The following CDH18 variants were observed in gnomAD, a reference collection of about 807,000 sequenced individuals.
CDH18 encodes cadherin 18.
In CDH18, 31 loss-of-function variants were observed where a neutral mutation model predicts 67.9. The ratio of observed to expected loss-of-function variants is 0.46; its 90% CI spans 0.34 to 0.62. CDH18 has a LOEUF of 0.62. Among genes scored for constraint, CDH18 ranks in the 20% least tolerant of loss-of-function variants. CDH18 has a pLI of 0.01. For missense variants in CDH18, 890 were observed against 975.5 expected, an observed-to-expected ratio of 0.91 and a Z score of 1.17; for synonymous variants, 362 against 347.2, an observed-to-expected ratio of 1.04 and a Z score of -0.48.
intron 1 of CDH18, among the ~76,000 whole-genome samples, chr5:20,400,328 A>T (rs1201935894): frequency 1.3e-5 from 2 of 151,956 alleles, no homozygotes; most frequent in African/African-American, 4.8e-5. Flanking sequence ...AAATACAAAA[A>T]TTACCCAGGC....
At chr5:20,461,171 G>A (rs2150223775) in intron 1 of CDH18, among the ~76,000 whole-genome samples, 1 of 152,292 alleles carries the variant, frequency 6.6e-6, no homozygotes, top group East Asian at 1.9e-4. Context: ...GTCCTTAAGT[G>A]CTGAGTATTT....
intron 2 of CDH18, among the ~76,000 whole-genome samples, chr5:20,129,493 T>G (rs182126067): frequency 6.6e-6 from 1 of 152,062 alleles, no homozygotes; most frequent in Non-Finnish European, 1.5e-5. Flanking sequence ...GCACCAGAGA[T>G]GCTGGGTGAG....
intron 2 of CDH18, among the ~76,000 whole-genome samples, chr5:19,861,373 A>G (rs962194363): frequency 2.1e-4 from 32 of 152,102 alleles, no homozygotes; most frequent in African/African-American, 7.2e-4. Context: ...AGGAGCCGGG[A>G]GGAGGCTAGG....
chr5:20,278,462 A>G (rs1210325352), intron 1 of CDH18, among the ~76,000 whole-genome samples: 2 of 152,134 alleles, frequency 1.3e-5, no homozygotes, highest in Non-Finnish European at 2.9e-5. Context: ...GACAAAAAAA[A>G]GCTGAGAAAT....
At chr5:20,100,671 A>G (rs995429072) in intron 2 of CDH18, among the ~76,000 whole-genome samples, 6 of 152,096 alleles carry the variant, frequency 3.9e-5, no homozygotes, top group Non-Finnish European at 7.4e-5. Flanking sequence ...TGTATTACCT[A>G]TACATCTGGC....
At chr5:19,912,564 A>G (rs1430050085) in intron 2 of CDH18, among the ~76,000 whole-genome samples, 1 of 152,172 alleles carries the variant, frequency 6.6e-6, no homozygotes, top group Non-Finnish European at 1.5e-5. Context: ...TATCCCATGA[A>G]TGTTATTCCA....
chr5:19,832,752 C>A (rs970873250), intron 3 of CDH18, among the ~76,000 whole-genome samples: 1 of 152,072 alleles, frequency 6.6e-6, no homozygotes, highest in South Asian at 2.1e-4. Flanking sequence ...ATATGTCTGG[C>A]CAGTTTTCCC....
chr5:20,123,016 G>A (rs1218898580), intron 2 of CDH18, among the ~76,000 whole-genome samples: 1 of 147,460 alleles, frequency 6.8e-6, no homozygotes, highest in Admixed American at 6.8e-5. Context: ...ACCTATATAA[G>A]CTATTATATA....
chr5:20,172,242 A>G (rs4361521), intron 2 of CDH18, among the ~76,000 whole-genome samples: 5,716 of 56,246 alleles, frequency 0.1, 896 homozygotes, highest in East Asian at 0.32. Flanking sequence ...ATATATATGT[A>G]TATATATATA....
intron 2 of CDH18, among the ~76,000 whole-genome samples, chr5:20,000,366 G>A (rs1301459144): frequency 6.6e-6 from 1 of 152,076 alleles, no homozygotes; most frequent in Non-Finnish European, 1.5e-5. Flanking sequence ...AATAAAAAAG[G>A]GAAAAGTAAA....
At chr5:20,312,895 A>G (rs1737120472) in intron 1 of CDH18, among the ~76,000 whole-genome samples, 1 of 151,860 alleles carries the variant, frequency 6.6e-6, no homozygotes. Flanking sequence ...CTTTTTAATC[A>G]ATTCTTTCTT....
At chr5:19,641,502 T>C (rs1753988967) in intron 5 of CDH18, among the ~76,000 whole-genome samples, 1 of 152,058 alleles carries the variant, frequency 6.6e-6, no homozygotes, top group African/African-American at 2.4e-5. Flanking sequence ...CATGACCACG[T>C]GAGATTTATC....
At chr5:20,309,091 C>T (rs1205553647) in intron 1 of CDH18, among the ~76,000 whole-genome samples, 12 of 152,160 alleles carry the variant, frequency 7.9e-5, no homozygotes, top group Non-Finnish European at 1.5e-5. Flanking sequence ...CACACATCGA[C>T]ATGCGTATGT....
chr5:19,811,147 AAAGAAAGAAAGAAG>A (rs1778667017), intron 3 of CDH18, among the ~76,000 whole-genome samples: 6 of 70,150 alleles, frequency 8.6e-5, no homozygotes, highest in African/African-American at 1.9e-4. Flanking sequence ...AGAAAGAAAG[AAAGAAAGAAAGAAG>A]GAGAGAAAGA....
chr5:20,002,798 C>T (rs1736556917), intron 2 of CDH18, among the ~76,000 whole-genome samples: 1 of 152,128 alleles, frequency 6.6e-6, no homozygotes, highest in Admixed American at 6.5e-5. Context: ...CTGCTGCCAT[C>T]CACAATCTGT....
chr5:20,275,716 C>A (rs1174834465), intron 1 of CDH18, among the ~76,000 whole-genome samples: 1 of 152,146 alleles, frequency 6.6e-6, no homozygotes, highest in Non-Finnish European at 1.5e-5. Context: ...CAAAAAATCA[C>A]CTTAATAAGA....
At chr5:20,526,241 G>C (rs980977962) in intron 1 of CDH18, among the ~76,000 whole-genome samples, 2 of 152,156 alleles carry the variant, frequency 1.3e-5, no homozygotes, top group Non-Finnish European at 2.9e-5. Context: ...CAAGCCAGGG[G>C]TTTGCAGACA....
chr5:19,713,959 A>G (rs553452380), intron 5 of CDH18, among the ~76,000 whole-genome samples: 1 of 152,240 alleles, frequency 6.6e-6, no homozygotes, highest in East Asian at 1.9e-4. Context: ...GCACTGTACT[A>G]TGAAGGTGAT....
chr5:19,622,905 G>A (rs1332172404), intron 5 of CDH18, among the ~76,000 whole-genome samples: 1 of 152,042 alleles, frequency 6.6e-6, no homozygotes, highest in Non-Finnish European at 1.5e-5. Flanking sequence ...TAAATTTCCT[G>A]GCTTCCAAAA....
Sources: allele counts gnomAD v4.1 joint callset (sites outside exome capture counted in the v4.1 genomes callset), GRCh38; gene constraint gnomAD v4.1.1; transcripts MANE v1.5; gene names NCBI Gene and HGNC (gene_info 2026-07-23, HGNC 2026-07-21).